The following CACNA1I variants were observed in gnomAD, a reference collection of about 807,000 sequenced individuals.
CACNA1I encodes voltage-dependent T-type calcium channel subunit alpha-1I.
Under a neutral mutation model 201.6 loss-of-function variants are expected in CACNA1I, and 74 were observed. The ratio of observed to expected loss-of-function variants is 0.37; its 90% confidence interval spans 0.30 to 0.45. CACNA1I has a LOEUF of 0.45. CACNA1I is among the 20% of genes least tolerant of loss of function. CACNA1I has a pLI of 1.00. For synonymous variants in CACNA1I, 1,431 were observed against 1,345.2 expected, an observed-to-expected ratio of 1.06 and a Z score of -1.40; for missense variants, 2,346 against 3,138.1, an observed-to-expected ratio of 0.75 and a Z score of 6.03.
rs376819648 is a variant in CACNA1I, at chr22:39,660,324, C to T, written c.2605-20C>T. On this transcript the variant is annotated intron_variant, in intron 14 of 36. Transcript: ENST00000402142. Reference sequence around the variant, plus strand: ...GGAGCTGGACTGACCTGCATTCTAACGTGACGGATGCTCTCCCAGGGTGAC... The same window carrying T: ...GGAGCTGGACTGACCTGCATTCTAATGTGACGGATGCTCTCCCAGGGTGAC... 9.4e-6 allele frequency: 15 copies of T among 1,597,018 alleles called. No homozygotes were observed. In the East Asian group the frequency reaches 2.2e-4, roughly 24 times the overall value.
intron 24 of CACNA1I, among the ~76,000 whole-genome samples, chr22:39,669,630 A>G (rs1476124431): frequency 3.5e-5 from 5 of 143,824 alleles, no homozygotes; most frequent in African/African-American, 1.3e-4. Context: ...GTGGATGCAT[A>G]GATGGGTGAA....
At chr22:39,673,123 G>A (rs1210725111) in intron 28 of CACNA1I, 41 bp downstream of exon 28, 1 of 1,592,210 alleles carries the variant, frequency 6.3e-7, no homozygotes, top group Non-Finnish European at 8.6e-7. Context: ...GGACAAGCAG[G>A]GGCGGGATGA....
intron 7 of CACNA1I, among the ~76,000 whole-genome samples, chr22:39,643,959 G>A (rs751882255): frequency 8.5e-5 from 13 of 152,344 alleles, no homozygotes; most frequent in Admixed American, 6.5e-4. Context: ...GGGAAGATGG[G>A]CTGACAGCAG....
At chr22:39,620,661 C>T (rs1212116518) in intron 4 of CACNA1I, among the ~76,000 whole-genome samples, 3 of 152,198 alleles carry the variant, frequency 2.0e-5, no homozygotes, top group Non-Finnish European at 2.9e-5. Flanking sequence ...CCTCACTGCT[C>T]TCTTCTAGGA....
At position 39,665,745 on chromosome 22, in the gene CACNA1I, C is replaced by G; in HGVS notation, c.3978+121C>G. 2.6e-6 allele frequency: 4 copies of G among 1,541,118 alleles called. No homozygotes were observed. The highest frequency in any genetic ancestry group is 3.5e-6 in the Non-Finnish European group (4 of 1,127,724). Reference sequence around the variant, plus strand: ...TGCGCCTTGCCAGCTGTGGGCTTCTCCTCCAGGGAGGGAGACAGACATGGG... The same window carrying G: ...TGCGCCTTGCCAGCTGTGGGCTTCTGCTCCAGGGAGGGAGACAGACATGGG... On this transcript the variant is annotated intron_variant, in intron 22 of 36. Transcript: ENST00000402142. This position sits in a 1 kb window ranked among gnomAD's most constrained non-coding sequence, Gnocchi z 5.5.
intron 10 of CACNA1I, among the ~76,000 whole-genome samples, chr22:39,653,584 G>GGA (rs1330189302): frequency 6.6e-6 from 1 of 152,214 alleles, no homozygotes; most frequent in Non-Finnish European, 1.5e-5. Context: ...CTCCTGCAGG[G>GGA]GAGGCAGCAT....
chr22:39,649,138 A>T lies in CACNA1I; in HGVS notation c.1568-363A>T, dbSNP rs1934574679. 6.6e-6 allele frequency among the ~76,000 whole-genome samples: 1 copy of T among 152,164 alleles called. No individual in the cohort carries two copies. Among genetic ancestry groups the T allele is most frequent in the African/African-American group, 2.4e-5 (1 of 41,426 alleles). On this transcript the variant is annotated intron_variant, in intron 9 of 36. Coordinates refer to ENST00000402142, the MANE Select transcript of CACNA1I (RefSeq NM_021096.4). The surrounding 1 kb of genome is among the most constrained non-coding windows in gnomAD (Gnocchi z 7.3). ...TCTTTCAGAATCACATCTAGTTCCC[A>T]AGCTGCACGACTGGGGCTCTGGGTC...
chr22:39,571,681 C>T (rs1932188378), intron 1 of CACNA1I, among the ~76,000 whole-genome samples: 1 of 152,218 alleles, frequency 6.6e-6, no homozygotes, highest in East Asian at 1.9e-4. Context: ...TTTTCCCTTC[C>T]CCCTGGACCT....
intron 1 of CACNA1I, among the ~76,000 whole-genome samples, chr22:39,588,500 C>T (rs1198311471): frequency 6.6e-6 from 1 of 151,720 alleles, no homozygotes; most frequent in East Asian, 1.9e-4. Flanking sequence ...ATTCTCCTGC[C>T]TCAGCCTCCC....
rs542669847 is a variant in CACNA1I, at chr22:39,679,559, C to T, written c.5394+114C>T. On this transcript the variant is annotated intron_variant, in intron 32 of 36. Transcript: ENST00000402142. ...GAGACCTCTGTCTTTCTGGGCCCCA[C>T]CCTGCTCAGCTCCATAGAAGGGGTG... 6.6e-6 allele frequency: 7 copies of T among 1,055,784 alleles called. No individual in the cohort carries two copies. In the East Asian group the frequency reaches 1.6e-4, roughly 24 times the overall value. The allele number at this position is 1,055,784 out of a possible 1,614,324, so 65.4% of individuals were successfully genotyped here. A position where few individuals can be genotyped will look rare whatever the true frequency, so the allele number is the denominator to read the frequency against.
At position 39,659,911 on chromosome 22, in the gene CACNA1I, G is replaced by A; in HGVS notation, c.2604+59G>A. 6.2e-7 allele frequency: 1 copy of A among 1,601,238 alleles called. No homozygotes were observed. The highest frequency in any genetic ancestry group is 1.3e-5 in the African/African-American group (1 of 74,802). ...CAGGGTCTGCGAAAGACTGGGCGAG[G>A]GAGAGGTGGCCTGGATGGGGGAGGG... On this transcript the variant is annotated intron_variant, in intron 14 of 36. Transcript: ENST00000402142. The surrounding 1 kb of genome is among the most constrained non-coding windows in gnomAD (Gnocchi z 4.3).
intron 1 of CACNA1I, among the ~76,000 whole-genome samples, chr22:39,575,797 CAG>C (rs557428908): frequency 1.7e-3 from 262 of 149,826 alleles, no homozygotes; most frequent in Middle Eastern, 0.011. Flanking sequence ...TTTTTTGAGA[CAG>C]AGTCTCTCTC....
chr22:39,593,352 C>G (rs117572919), intron 1 of CACNA1I, among the ~76,000 whole-genome samples: 1 of 152,194 alleles, frequency 6.6e-6, no homozygotes, highest in Non-Finnish European at 1.5e-5. Flanking sequence ...GTCAGAGGTA[C>G]TGCCAAATTC....
chr22:39,672,955 C>CT lies in CACNA1I; in HGVS notation c.4656_4657insT (p.Gln1553SerfsTer126). The CT allele has an allele frequency of 6.2e-7, 1 of 1,613,008 alleles. No homozygotes were observed. Among genetic ancestry groups the CT allele is most frequent in the Non-Finnish European group, 8.5e-7 (1 of 1,179,350 alleles). ...CCCATGCACGGCTGAGCAGATGGAA[C>CT]CAGCTGGACCTGGCCATTGTGCTAC... On this transcript the variant is annotated frameshift_variant, in exon 28 of 37. Coordinates refer to ENST00000402142, the MANE Select transcript of CACNA1I (RefSeq NM_021096.4). LOFTEE classifies it high-confidence loss of function.
intron 1 of CACNA1I, among the ~76,000 whole-genome samples, chr22:39,595,004 AT>A (rs1243260434): frequency 6.6e-6 from 1 of 152,180 alleles, no homozygotes; most frequent in African/African-American, 2.4e-5. Context: ...AAATAGAACA[AT>A]CACGCCAGGC....
chr22:39,661,672 T>G (rs1197328495), intron 16 of CACNA1I, among the ~76,000 whole-genome samples: 1 of 152,240 alleles, frequency 6.6e-6, no homozygotes, highest in Non-Finnish European at 1.5e-5. Flanking sequence ...GAGCCTCAGT[T>G]TCCTTACCTG....
intron 1 of CACNA1I, among the ~76,000 whole-genome samples, chr22:39,572,884 G>A (rs545836768): frequency 1.5e-4 from 23 of 152,226 alleles, no homozygotes; most frequent in African/African-American, 5.5e-4. Context: ...AGCCTCCCGA[G>A]TAGCTGGGAC....
intron 3 of CACNA1I, among the ~76,000 whole-genome samples, chr22:39,606,512 T>C (rs975010630): frequency 5.9e-5 from 9 of 152,210 alleles, no homozygotes; most frequent in African/African-American, 2.2e-4. Context: ...TCTATTTGTG[T>C]TTGGTTGAAC....
At chr22:39,633,800 G>A (rs1434199877) in intron 4 of CACNA1I, among the ~76,000 whole-genome samples, 1 of 152,212 alleles carries the variant, frequency 6.6e-6, no homozygotes, top group Non-Finnish European at 1.5e-5. Flanking sequence ...CACCTTCTTT[G>A]GGGCCATGGA....
Sources: gnomAD v4.1 joint callset for allele counts (sites outside exome capture counted in the v4.1 genomes callset) on GRCh38, gnomAD v4.1.1 for gene constraint, Gnocchi (gnomAD v3.1) non-coding constraint, MANE v1.5 for transcripts, NCBI Gene and HGNC (gene_info 2026-07-23, HGNC 2026-07-21) for gene names.